The following ITFG1 variants were observed in gnomAD, a reference collection of about 807,000 sequenced individuals.
The protein encoded by ITFG1 is integrin alpha FG-GAP repeat containing 1, also known as T-cell immunomodulatory protein.
Under a neutral mutation model 81.8 loss-of-function variants are expected in ITFG1, and 34 were observed. The observed-to-expected ratio is 0.42, with a 90% CI of 0.32 to 0.55. The LOEUF (loss-of-function observed/expected upper bound fraction) is 0.55, where lower values mean the gene tolerates loss of function less well. Ranked by LOEUF, ITFG1 falls within the 20% of genes least tolerant of loss-of-function variation. ITFG1 has a pLI of 0.17. For synonymous variants in ITFG1, 285 were observed against 270.6 expected (o/e 1.05, Z -0.52); for missense variants, 672 against 755.4 (o/e 0.89, Z 1.29).
chr16:47,327,168 T>C (rs1274552428), intron 8 of ITFG1, among the ~76,000 whole-genome samples: 7 of 152,016 alleles, frequency 4.6e-5, no homozygotes, highest in East Asian at 3.9e-4. Context: ...AGAAATAATG[T>C]CACATATCTA....
chr16:47,196,833 G>C (rs1199259198), intron 14 of ITFG1: 1 of 152,418 alleles, frequency 6.6e-6, no homozygotes, highest in East Asian at 1.9e-4. Flanking sequence ...GGGAAGCTGA[G>C]GTAGGAGAAT....
chr16:47,298,504 T>A (rs1967019573), intron 10 of ITFG1, among the ~76,000 whole-genome samples: 1 of 152,166 alleles, frequency 6.6e-6, no homozygotes, highest in African/African-American at 2.4e-5. Flanking sequence ...AGGATGTGAC[T>A]ATGATGTTAT....
chr16:47,183,888 A>G (rs1965170158), intron 14 of ITFG1, among the ~76,000 whole-genome samples: 1 of 152,168 alleles, frequency 6.6e-6, no homozygotes, highest in Admixed American at 6.5e-5. Context: ...GAAAACTTTG[A>G]AAAAAATTTA....
chr16:47,271,436 T>C (rs1966338736), intron 10 of ITFG1, among the ~76,000 whole-genome samples: 1 of 152,138 alleles, frequency 6.6e-6, no homozygotes, highest in African/African-American at 2.4e-5. Context: ...CCCACCAGGA[T>C]GGCTAAAATA....
In ITFG1 at chr16:47,326,813, G is replaced by T. The variant is rs546050136; in HGVS notation, c.803-12990C>A. ...AGGAGAACTACAAACCACTGCTCAA[G>T]GAAATAAAAGAGGATACAAACAAAT... On this transcript the variant is annotated intron_variant, in intron 8 of 17. Coordinates refer to ENST00000320640, the MANE Select transcript of ITFG1 (RefSeq NM_030790.5). Among the ~76,000 whole-genome samples the T allele has an allele frequency of 4.6e-5, 7 of 152,048 alleles. No individual in the cohort carries two copies. In the East Asian group the frequency reaches 1.2e-3, roughly 25 times the overall value.
At chr16:47,353,690 G>C (rs1455634805) in intron 8 of ITFG1, among the ~76,000 whole-genome samples, 1 of 152,042 alleles carries the variant, frequency 6.6e-6, no homozygotes, top group East Asian at 1.9e-4. Flanking sequence ...AATGAATTCA[G>C]TAAAGGTGCA....
At chr16:47,431,644 T>A (rs1427436383) in intron 5 of ITFG1, among the ~76,000 whole-genome samples, 2 of 152,154 alleles carry the variant, frequency 1.3e-5, no homozygotes, top group African/African-American at 4.8e-5. Flanking sequence ...TACTAAATGA[T>A]ACTAAATTGT....
rs747492135 is a variant in ITFG1, at chr16:47,161,761, A to T, written c.1650T>A (p.Asn550Lys). 2 of 1,607,916 alleles carry T rather than the reference A, an allele frequency of 1.2e-6. No individual in the cohort carries two copies. The highest frequency in any genetic ancestry group is 1.7e-6 in the Non-Finnish European group (2 of 1,174,632). The change falls in exon 16 of 18, where the codon AAT (asparagine) becomes AAA (lysine). Residue 550 changes from asparagine to lysine, a missense_variant. This residue lies in a region of ITFG1 where 65 missense variants were observed against 103.3 expected (regional missense o/e 0.63). Coordinates refer to ENST00000320640, the MANE Select transcript of ITFG1 (RefSeq NM_030790.5). ...SQLIVIPYPH[N>K]VPRSWSAKLY... is the part of the protein sequence containing the mutation. ...AGCAAGTACATTACCTTCGAGGGAC[A>T]TTGTGAGGGTATGGAATGACAATTA...
chr16:47,167,403 G>C (rs1366028449), intron 14 of ITFG1, among the ~76,000 whole-genome samples: 1 of 152,128 alleles, frequency 6.6e-6, no homozygotes, highest in African/African-American at 2.4e-5. Flanking sequence ...CACAAAAGAA[G>C]TGTAAATGGC....
At chr16:47,190,101 G>T (rs1431584000) in intron 14 of ITFG1, among the ~76,000 whole-genome samples, 1 of 152,046 alleles carries the variant, frequency 6.6e-6, no homozygotes, top group East Asian at 1.9e-4. Context: ...AGCTAAATGG[G>T]AAAGCTTGAC....
chr16:47,356,649 C>T (rs534855618), intron 8 of ITFG1, among the ~76,000 whole-genome samples: 2 of 152,318 alleles, frequency 1.3e-5, no homozygotes, highest in African/African-American at 4.8e-5. Flanking sequence ...TTCAACCCAT[C>T]AATTCATTAT....
intron 10 of ITFG1, among the ~76,000 whole-genome samples, chr16:47,296,814 G>C (rs1244140584): frequency 6.6e-6 from 1 of 152,188 alleles, no homozygotes; most frequent in African/African-American, 2.4e-5. Context: ...TACTTGACAT[G>C]AGTTTGATTT....
chr16:47,160,427 G>A (rs984844487), intron 16 of ITFG1, among the ~76,000 whole-genome samples: 4 of 151,734 alleles, frequency 2.6e-5, no homozygotes, highest in Admixed American at 6.6e-5. Flanking sequence ...TCCATCTTAA[G>A]AGACTGTTCT....
At chr16:47,324,684 C>G (rs183717841) in intron 8 of ITFG1, among the ~76,000 whole-genome samples, 1 of 152,142 alleles carries the variant, frequency 6.6e-6, no homozygotes, top group Non-Finnish European at 1.5e-5. Context: ...GGGTTGCAAT[C>G]AAGTCTCGGA....
chr16:47,452,688 T>C (rs1296150885), intron 4 of ITFG1, 45 bp downstream of exon 4: 3 of 1,293,370 alleles, frequency 2.3e-6, no homozygotes, highest in Non-Finnish European at 3.3e-6. Context: ...TTTTATTTTA[T>C]GTTTAAGTTT....
chr16:47,275,894 A>C (rs1484619726), intron 10 of ITFG1, among the ~76,000 whole-genome samples: 2 of 152,154 alleles, frequency 1.3e-5, no homozygotes, highest in African/African-American at 4.8e-5. Context: ...AGAATAAATA[A>C]AATAAAAAGT....
At chr16:47,313,669 A>T in intron 9 of ITFG1, 60 bp downstream of exon 9, 1 of 874,016 alleles carries the variant, frequency 1.1e-6, no homozygotes, top group Non-Finnish European at 1.8e-6. Flanking sequence ...TTCTAACCTT[A>T]GAAGATTTTT....
At chr16:47,392,718 TAATG>T (rs1481121215) in intron 6 of ITFG1, among the ~76,000 whole-genome samples, 1 of 152,162 alleles carries the variant, frequency 6.6e-6, no homozygotes, top group African/African-American at 2.4e-5. Flanking sequence ...TGAAATGAAA[TAATG>T]TATGGAGACT....
chr16:47,181,267 C>T (rs937492086), intron 14 of ITFG1, among the ~76,000 whole-genome samples: 4 of 150,158 alleles, frequency 2.7e-5, no homozygotes, highest in Admixed American at 2.6e-4. Flanking sequence ...GCCCGGCAGC[C>T]ACCCCGTCTG....
Sources: allele counts gnomAD v4.1 joint callset (sites outside exome capture counted in the v4.1 genomes callset), GRCh38; gene constraint gnomAD v4.1.1; regional missense constraint gnomAD v4.1.1; transcripts MANE v1.5; gene names NCBI Gene and HGNC (gene_info 2026-07-23, HGNC 2026-07-21).